Variants in LRP1B observed in about 807,000 individuals in gnomAD.
The protein encoded by LRP1B is low-density lipoprotein receptor-related protein 1B.
A neutral mutation model predicts 556.6 loss-of-function variants in LRP1B; 217 were observed. The ratio of observed to expected loss-of-function variants is 0.39; its 90% CI spans 0.35 to 0.44. LRP1B has a LOEUF of 0.44. Among genes scored for constraint, LRP1B ranks in the 20% least tolerant of loss-of-function variants. The pLI is 1.00. For missense variants in LRP1B, 5,053 were observed against 5,620.8 expected, an observed-to-expected ratio of 0.90 and a Z score of 3.23; for synonymous variants, 2,047 against 1,865.8, an observed-to-expected ratio of 1.10 and a Z score of -2.50.
intron 41 of LRP1B, among the ~76,000 whole-genome samples, chr2:140,601,917 T>C (rs999743640): frequency 5.2e-4 from 79 of 152,210 alleles, no homozygotes; most frequent in African/African-American, 1.6e-3. Context: ...TGGAAAATGG[T>C]GGCTCTCTTT....
In LRP1B at chr2:140,823,964, G is replaced by A. The variant is rs1025672398; in HGVS notation, c.5210-10158C>T. On this transcript the variant is annotated intron_variant, in intron 31 of 90. Transcript: ENST00000389484. ...TGGAAGGTGGGAAGAGGGTAGGAGA[G>A]GAGCAGAAAAAAATAGCTATTAAGT... Among the ~76,000 whole-genome samples the A allele has an allele frequency of 2.0e-5, 3 of 151,726 alleles. No individual in the cohort carries two copies. The South Asian group carries it at 6.2e-4, about 32-fold the overall frequency.
intron 3 of LRP1B, among the ~76,000 whole-genome samples, chr2:141,261,131 T>A (rs1684667914): frequency 6.6e-6 from 1 of 152,170 alleles, no homozygotes; most frequent in South Asian, 2.1e-4. Context: ...TTGTGTCACA[T>A]CATTCATCCT....
intron 2 of LRP1B, among the ~76,000 whole-genome samples, chr2:141,699,493 C>T (rs757037015): frequency 1.2e-4 from 18 of 151,688 alleles, no homozygotes; most frequent in South Asian, 2.1e-4. Context: ...AATTTTGAGC[C>T]GCTTAATTTA....
chr2:142,100,190 C>G (rs1706522455), intron 1 of LRP1B, among the ~76,000 whole-genome samples: 1 of 151,836 alleles, frequency 6.6e-6, no homozygotes, highest in Admixed American at 6.6e-5. Context: ...CGTTTGAAAC[C>G]TGGAAGGAAG....
chr2:141,058,849 A>C, intron 9 of LRP1B, 34 bp downstream of exon 9: 1 of 1,530,018 alleles, frequency 6.5e-7, no homozygotes, highest in South Asian at 1.3e-5. Context: ...TCAATCTACC[A>C]TTAGGAAGGT....
chr2:141,023,474 A>C (rs1698124661), intron 11 of LRP1B, among the ~76,000 whole-genome samples: 1 of 151,988 alleles, frequency 6.6e-6, no homozygotes, highest in Non-Finnish European at 1.5e-5. Context: ...ACTGTTCTTC[A>C]AATGAATGTA....
chr2:141,406,017 CAAAAT>C (rs1690619793), intron 3 of LRP1B, among the ~76,000 whole-genome samples: 1 of 151,916 alleles, frequency 6.6e-6, no homozygotes, highest in Non-Finnish European at 1.5e-5. Flanking sequence ...GTATGGTTAA[CAAAAT>C]AGAGAGCGAA....
At chr2:141,437,900 G>A (rs1680822256) in intron 3 of LRP1B, among the ~76,000 whole-genome samples, 1 of 152,038 alleles carries the variant, frequency 6.6e-6, no homozygotes, top group Admixed American at 6.6e-5. Flanking sequence ...GAGTTTACAT[G>A]TGTCCTTAAT....
chr2:141,856,485 T>C lies in LRP1B; in HGVS notation c.83-46084A>G, dbSNP rs867511048. On this transcript the variant is annotated intron_variant, in intron 1 of 90. Coordinates refer to ENST00000389484, the MANE Select transcript of LRP1B (RefSeq NM_018557.3). Reference sequence around the variant, plus strand: ...ATTTCACCTAGCAACCATCAAAGGGTTTGAAAACAATTAATAGATCACTCC... The same window carrying C: ...ATTTCACCTAGCAACCATCAAAGGGCTTGAAAACAATTAATAGATCACTCC... Among the ~76,000 whole-genome samples, 8 of 152,216 alleles carry C rather than the reference T, an allele frequency of 5.3e-5. 1 individual carries two copies. Among genetic ancestry groups the C allele is most frequent in the Middle Eastern group, 3.4e-3 (1 of 294 alleles).
At chr2:140,289,655 T>C (rs1292059266) in intron 84 of LRP1B, among the ~76,000 whole-genome samples, 2 of 151,832 alleles carry the variant, frequency 1.3e-5, no homozygotes, top group African/African-American at 4.8e-5. Flanking sequence ...GTTTGAAAAG[T>C]CTAGTTTTAC....
intron 66 of LRP1B, among the ~76,000 whole-genome samples, chr2:140,405,485 A>G (rs973833739): frequency 4.6e-5 from 7 of 152,224 alleles, no homozygotes; most frequent in African/African-American, 1.7e-4. Context: ...AGAAAAGAAG[A>G]GAAAAGATCC....
chr2:140,970,321 C>A (rs530122514), intron 18 of LRP1B, among the ~76,000 whole-genome samples: 1 of 152,180 alleles, frequency 6.6e-6, no homozygotes, highest in African/African-American at 2.4e-5. Flanking sequence ...GAATCGGCTA[C>A]TGACACTTGT....
rs756124422 is a variant in LRP1B, at chr2:140,335,668, G to C, written c.12063C>G (p.Leu4021=). 1 of 1,612,782 alleles carries C rather than the reference G, an allele frequency of 6.2e-7. No homozygotes were observed. The highest frequency in any genetic ancestry group is 1.7e-4 in the Middle Eastern group (1 of 6,046). Residue 4021 remains leucine, a synonymous_variant, in exon 78 of 91, where the codon CTC becomes CTG. Coordinates refer to ENST00000389484, the MANE Select transcript of LRP1B (RefSeq NM_018557.3). ...AGGGTTCTCCAGCCATATTTGTTAA[G>C]AGTCTGGTGCAGTTGGGGCCATTCA... ...GQLNGPNCTR[L]LTNMAGEPYA...
chr2:141,192,191 C>T (rs1681545192), intron 6 of LRP1B, among the ~76,000 whole-genome samples: 1 of 151,800 alleles, frequency 6.6e-6, no homozygotes. Context: ...GGCAATTAGA[C>T]AAAGAGTTCA....
chr2:140,700,369 A>C lies in LRP1B; in HGVS notation c.6680T>G (p.Leu2227Trp), dbSNP rs1415113528. ...TCTTCTTTGATTATAGTCAAAAGCCAAGGCTATGACATTCTTGAAATAACG... is the reference window on the plus strand; with the variant it reads ...TCTTCTTTGATTATAGTCAAAAGCCCAGGCTATGACATTCTTGAAATAACG... ...NPRYFKNVIA[L>W]AFDYNQRRKG... The change falls in exon 41 of 91, where the codon TTG (leucine) becomes TGG (tryptophan). Residue 2227 changes from leucine to tryptophan, a missense_variant. Physicochemically the swap from Leu to Trp is moderately conservative, Grantham distance 61. This residue lies in a region of LRP1B where 3,619 missense variants were observed against 3,931.9 expected (regional missense o/e 0.92). Coordinates refer to ENST00000389484, the MANE Select transcript of LRP1B (RefSeq NM_018557.3). 6.2e-7 allele frequency: 1 copy of C among 1,613,360 alleles called. No homozygotes were observed. The highest frequency in any genetic ancestry group is 1.7e-5 in the Admixed American group (1 of 59,890).
rs900206812 is a variant in LRP1B, at chr2:141,796,653, T to C, written c.205+13626A>G. Among the ~76,000 whole-genome samples the C allele has an allele frequency of 2.0e-5, 3 of 150,278 alleles. No homozygotes were observed. In the Admixed American group the frequency reaches 2.0e-4, roughly 10 times the overall value. The stretch of plus-strand genomic sequence containing the variant: ...GGAATGCAGAGTCATCAATACTCAA[T>C]TTGGCTGAAATCCTGACAGTTGTCA... On this transcript the variant is annotated intron_variant, in intron 2 of 90. Coordinates refer to ENST00000389484, the MANE Select transcript of LRP1B (RefSeq NM_018557.3).
intron 6 of LRP1B, among the ~76,000 whole-genome samples, chr2:141,188,955 G>A (rs1681379047): frequency 6.6e-6 from 1 of 151,936 alleles, no homozygotes; most frequent in South Asian, 2.1e-4. Context: ...GTAGTAGTGA[G>A]GAATAAATAC....
chr2:141,369,251 A>C (rs1689145245), intron 3 of LRP1B, among the ~76,000 whole-genome samples: 1 of 152,166 alleles, frequency 6.6e-6, no homozygotes, highest in South Asian at 2.1e-4. Flanking sequence ...ATTTCCTTTA[A>C]GTTTTCTAAT....
chr2:140,393,589 A>C (rs1684121233), intron 66 of LRP1B, among the ~76,000 whole-genome samples: 1 of 152,110 alleles, frequency 6.6e-6, no homozygotes, highest in Non-Finnish European at 1.5e-5. Flanking sequence ...ACCATTTTCC[A>C]TCTTCTATTT....
Sources: gnomAD v4.1 joint callset for allele counts (sites outside exome capture counted in the v4.1 genomes callset) on GRCh38, gnomAD v4.1.1 for gene constraint, gnomAD v4.1.1 regional missense constraint, MANE v1.5 for transcripts, NCBI Gene and HGNC (gene_info 2026-07-23, HGNC 2026-07-21) for gene names.